ALCAM: variants seen among roughly 807,000 people sequenced by gnomAD.
ALCAM encodes CD166 antigen.
A neutral mutation model predicts 70.9 loss-of-function variants in ALCAM; 30 were observed. That is an observed-to-expected ratio of 0.42 (90% CI 0.32 to 0.57). The LOEUF is 0.57. ALCAM is among the 20% of genes least tolerant of loss of function. ALCAM has a pLI of 0.11. For missense variants in ALCAM, 591 were observed against 695.1 expected, an observed-to-expected ratio of 0.85 and a Z score of 1.68; for synonymous variants, 249 against 242.5, an observed-to-expected ratio of 1.03 and a Z score of -0.25.
chr3:105,382,808 T>A (rs1235003780), intron 1 of ALCAM, among the ~76,000 whole-genome samples: 1 of 152,004 alleles, frequency 6.6e-6, no homozygotes, highest in Non-Finnish European at 1.5e-5. Flanking sequence ...TCTTGTAAAT[T>A]TGTTGGAATT....
intron 1 of ALCAM, among the ~76,000 whole-genome samples, chr3:105,387,313 A>C (rs958817949): frequency 1.3e-5 from 2 of 151,388 alleles, no homozygotes; most frequent in African/African-American, 2.4e-5. Context: ...ACATAAGATC[A>C]TCTTTTACTT....
chr3:105,434,269 A>C (rs1032178264), intron 1 of ALCAM, among the ~76,000 whole-genome samples: 11 of 152,172 alleles, frequency 7.2e-5, no homozygotes, highest in African/African-American at 2.4e-4. Context: ...TAGTTTGACT[A>C]TAAAATATTT....
At chr3:105,404,857 T>C (rs1936181436) in intron 1 of ALCAM, among the ~76,000 whole-genome samples, 1 of 152,086 alleles carries the variant, frequency 6.6e-6, no homozygotes, top group African/African-American at 2.4e-5. Context: ...ACCTAACACA[T>C]AATGATTCAC....
In ALCAM at chr3:105,575,321, A is replaced by G. The variant is rs1940938207; in HGVS notation, c.*870A>G. On this transcript the variant is annotated 3_prime_UTR_variant, in exon 16 of 16. Coordinates refer to ENST00000306107, the MANE Select transcript of ALCAM (RefSeq NM_001627.4). The stretch of plus-strand genomic sequence containing the variant: ...CACAATGTAAATCACTATAATTACA[A>G]ATTGGTGTTAAATCCTTTGGGTTAT... 6.6e-6 allele frequency: 1 copy of G among 152,608 alleles called. No homozygotes were observed. The highest frequency in any genetic ancestry group is 6.5e-5 in the Admixed American group (1 of 15,274). 9.5% of individuals were successfully genotyped at this position (152,608 alleles called of 1,614,324 possible). A position where few individuals can be genotyped will look rare whatever the true frequency, so the allele number is the denominator to read the frequency against.
chr3:105,368,718 A>T (rs548242749), intron 1 of ALCAM, among the ~76,000 whole-genome samples: 1 of 152,120 alleles, frequency 6.6e-6, no homozygotes, highest in Non-Finnish European at 1.5e-5. Flanking sequence ...TGAGGAAGAG[A>T]TTACAAGTGT....
At chr3:105,522,757 A>C (rs2152623685) in intron 2 of ALCAM, among the ~76,000 whole-genome samples, 1 of 152,366 alleles carries the variant, frequency 6.6e-6, no homozygotes, top group East Asian at 1.9e-4. Flanking sequence ...AACCAAACTC[A>C]ACCTCCATGG....
At chr3:105,449,505 T>G (rs1937376004) in intron 1 of ALCAM, among the ~76,000 whole-genome samples, 1 of 152,236 alleles carries the variant, frequency 6.6e-6, no homozygotes, top group African/African-American at 2.4e-5. Flanking sequence ...AATTTATCTC[T>G]GAAGAAACAT....
intron 3 of ALCAM, among the ~76,000 whole-genome samples, chr3:105,529,452 C>T (rs1370316520): frequency 6.6e-6 from 1 of 152,044 alleles, no homozygotes; most frequent in Non-Finnish European, 1.5e-5. Context: ...TATGGTCCTC[C>T]AACTAATACT....
intron 1 of ALCAM, among the ~76,000 whole-genome samples, chr3:105,435,337 C>G (rs1937026755): frequency 1.3e-5 from 2 of 152,192 alleles, no homozygotes; most frequent in Non-Finnish European, 2.9e-5. Context: ...AAAATCCACT[C>G]TTACTGCTTC....
intron 11 of ALCAM, among the ~76,000 whole-genome samples, chr3:105,547,985 G>A (rs193034424): frequency 2.3e-3 from 342 of 151,474 alleles, no homozygotes; most frequent in Non-Finnish European, 3.8e-3. Flanking sequence ...AGGAATGGTG[G>A]AGAAGAACAC....
intron 1 of ALCAM, among the ~76,000 whole-genome samples, chr3:105,411,597 C>T (rs182535421): frequency 5.9e-5 from 9 of 152,172 alleles, no homozygotes; most frequent in Non-Finnish European, 1.2e-4. Flanking sequence ...CTTTGTAACA[C>T]GGGTAATTCC....
chr3:105,384,683 G>A (rs563529602), intron 1 of ALCAM, among the ~76,000 whole-genome samples: 26 of 151,484 alleles, frequency 1.7e-4, no homozygotes, highest in South Asian at 4.2e-4. Flanking sequence ...GATAACTCTC[G>A]TTTATTAAAT....
At chr3:105,506,918 C>T (rs1218593265) in intron 1 of ALCAM, among the ~76,000 whole-genome samples, 1 of 152,126 alleles carries the variant, frequency 6.6e-6, no homozygotes, top group African/African-American at 2.4e-5. Flanking sequence ...CTGAAATCTG[C>T]CTGGGGATTC....
intron 1 of ALCAM, among the ~76,000 whole-genome samples, chr3:105,429,446 AG>A (rs1221367969): frequency 1.3e-5 from 2 of 152,038 alleles, no homozygotes; most frequent in Non-Finnish European, 2.9e-5. Flanking sequence ...AAATTATTAA[AG>A]GTAATGACCT....
intron 1 of ALCAM, among the ~76,000 whole-genome samples, chr3:105,489,956 T>A (rs1201585364): frequency 6.6e-6 from 1 of 152,246 alleles, no homozygotes; most frequent in Non-Finnish European, 1.5e-5. Flanking sequence ...CACATTCCAG[T>A]CATGCCACTA....
chr3:105,523,744 A>T (rs1939615758), intron 2 of ALCAM, among the ~76,000 whole-genome samples: 1 of 152,244 alleles, frequency 6.6e-6, no homozygotes, highest in African/African-American at 2.4e-5. Flanking sequence ...TAATGGACAT[A>T]ATTATTTTAC....
intron 6 of ALCAM, among the ~76,000 whole-genome samples, chr3:105,538,509 T>G (rs1940028238): frequency 7.9e-5 from 12 of 152,136 alleles, no homozygotes; most frequent in Admixed American, 7.9e-4. Context: ...GATGACTCTC[T>G]AATACAAAGC....
At chr3:105,502,695 T>C (rs544107978) in intron 1 of ALCAM, among the ~76,000 whole-genome samples, 7 of 152,360 alleles carry the variant, frequency 4.6e-5, no homozygotes, top group African/African-American at 1.7e-4. Flanking sequence ...ATAAATGATA[T>C]TTTCCACTGC....
At chr3:105,395,078 T>C (rs116808064) in intron 1 of ALCAM, among the ~76,000 whole-genome samples, 2,348 of 152,094 alleles carry the variant, frequency 0.015, 27 homozygotes, top group Middle Eastern at 0.048. Flanking sequence ...CATAAACTTA[T>C]TCTCAAAGTT....
Sources: allele counts gnomAD v4.1 joint callset (sites outside exome capture counted in the v4.1 genomes callset), GRCh38; gene constraint gnomAD v4.1.1; transcripts MANE v1.5; gene names NCBI Gene and HGNC (gene_info 2026-07-23, HGNC 2026-07-21).